PDE7B: variants seen among roughly 807,000 people sequenced by gnomAD.
PDE7B encodes 3',5'-cyclic-AMP phosphodiesterase 7B.
In PDE7B, 29 loss-of-function variants were observed where a neutral mutation model predicts 56.2. The observed-to-expected ratio is 0.52, with a 90% CI of 0.38 to 0.70. The LOEUF (loss-of-function observed/expected upper bound fraction) is 0.70. Ranked by LOEUF, PDE7B falls within the 30% of genes least tolerant of loss-of-function variation. PDE7B has a pLI of 0.00. For missense variants in PDE7B, 490 were observed against 565.0 expected, an observed-to-expected ratio of 0.87 and a Z score of 1.35; for synonymous variants, 197 against 196.9, an observed-to-expected ratio of 1.00 and a Z score of 0.00.
intron 2 of PDE7B, among the ~76,000 whole-genome samples, chr6:136,087,079 G>A (rs914848059): frequency 3.3e-5 from 5 of 152,160 alleles, no homozygotes; most frequent in African/African-American, 4.8e-5. Context: ...TTCATAGGTT[G>A]GTTAGAATGA....
At chr6:136,086,755 G>GA (rs1163815007) in intron 2 of PDE7B, among the ~76,000 whole-genome samples, 1 of 152,160 alleles carries the variant, frequency 6.6e-6, no homozygotes, top group Admixed American at 6.5e-5. Flanking sequence ...TTACTCAGAA[G>GA]AAAAAACATA....
chr6:135,977,634 C>A (rs1280351059), intron 2 of PDE7B, among the ~76,000 whole-genome samples: 4 of 151,982 alleles, frequency 2.6e-5, no homozygotes, highest in Non-Finnish European at 5.9e-5. Flanking sequence ...GGGACCGAGA[C>A]CAATTTATTA....
intron 2 of PDE7B, among the ~76,000 whole-genome samples, chr6:136,066,206 ATAT>A (rs987065372): frequency 1.6e-4 from 25 of 152,274 alleles, no homozygotes; most frequent in African/African-American, 4.3e-4. Context: ...CTTGCCCATA[ATAT>A]TATACTTAAT....
At chr6:135,989,403 C>T (rs6937373) in intron 2 of PDE7B, among the ~76,000 whole-genome samples, 12,450 of 152,142 alleles carry the variant, frequency 0.082, 849 homozygotes, top group African/African-American at 0.18. Flanking sequence ...CACCTGAGGT[C>T]GGTAGTTCGA....
intron 3 of PDE7B, among the ~76,000 whole-genome samples, chr6:136,126,023 A>T (rs551881114): frequency 6.6e-6 from 1 of 152,324 alleles, no homozygotes; most frequent in African/African-American, 2.4e-5. Flanking sequence ...AAGAAATACA[A>T]GAAAAGCAAC....
chr6:136,175,816 G>GCCTT lies in PDE7B; in HGVS notation c.803+1928_803+1929insCCTT, dbSNP rs1778967726. Among the ~76,000 whole-genome samples, 27 of 152,178 alleles carry GCCTT rather than the reference G, an allele frequency of 1.8e-4. No individual in the cohort carries two copies. The South Asian group carries it at 5.6e-3, about 31-fold the overall frequency. ...TAGATAAAAATTATTGGTCAGAAAG[G>GCCTT]TCTGAACTTTTAAGTTTCTTGTATA... On this transcript the variant is annotated intron_variant, in intron 9 of 12. Transcript: ENST00000308191.
At chr6:135,990,130 C>G (rs1028508846) in intron 2 of PDE7B, among the ~76,000 whole-genome samples, 14 of 146,274 alleles carry the variant, frequency 9.6e-5, no homozygotes, top group African/African-American at 3.5e-4. Flanking sequence ...GAGTCTCGCT[C>G]TATCGCCCAG....
In PDE7B at chr6:136,191,013, CTTTT is replaced by C. The variant is rs752187218; in HGVS notation, c.1127-580_1127-577del. 4.0e-5 allele frequency among the ~76,000 whole-genome samples: 4 copies of C among 99,350 alleles called. No homozygotes were observed. In the South Asian group the frequency reaches 1.2e-3, roughly 29 times the overall value. 65.2% of individuals were successfully genotyped at this position (99,350 alleles called of 152,430 possible). On this transcript the variant is annotated intron_variant, in intron 12 of 12. Coordinates refer to ENST00000308191, the MANE Select transcript of PDE7B (RefSeq NM_018945.4). ...CTGCCTTCTTTAGCTCCAGCATACA[CTTTT>C]TTTTTTTTTTTTTTTTTTTTACTTA...
At chr6:136,103,532 T>C (rs1777599129) in intron 2 of PDE7B, among the ~76,000 whole-genome samples, 1 of 152,242 alleles carries the variant, frequency 6.6e-6, no homozygotes. Flanking sequence ...GGATTTTCTC[T>C]GTCTTTATTT....
chr6:135,968,302 C>T (rs1389921543), intron 2 of PDE7B, among the ~76,000 whole-genome samples: 1 of 152,064 alleles, frequency 6.6e-6, no homozygotes, highest in Non-Finnish European at 1.5e-5. Context: ...CAAAAATTGA[C>T]CAATGGGACC....
At position 136,179,094 on chromosome 6, in the gene PDE7B, A is replaced by G. The variant is rs768995513; in HGVS notation, c.901A>G (p.Lys301Glu). The change falls in exon 10 of 13, where the codon AAA becomes GAA. Residue 301 changes from lysine (K) to glutamate (E), a missense_variant. By Grantham distance (56) the Lys-to-Glu change is moderately conservative. Transcript: ENST00000308191. ...LTRLKAHLHN[K>E]DLRLEDAQDR... ...CAGATTGAAAGCTCACCTCCACAATAAAGACTTAAGACTGGAGGATGCACA... is the reference window on the plus strand; with the variant it reads ...CAGATTGAAAGCTCACCTCCACAATGAAGACTTAAGACTGGAGGATGCACA... 2.4e-5 allele frequency: 39 copies of G among 1,613,890 alleles called. No individual in the cohort carries two copies. Among genetic ancestry groups the G allele is most frequent in the East Asian group, 1.3e-4 (6 of 44,898 alleles).
chr6:136,161,006 A>G (rs1387027856), intron 8 of PDE7B, among the ~76,000 whole-genome samples: 1 of 152,216 alleles, frequency 6.6e-6, no homozygotes, highest in African/African-American at 2.4e-5. Context: ...AGATAAAGAT[A>G]TAAAGTATCC....
chr6:136,185,517 G>A (rs887083303), intron 11 of PDE7B, among the ~76,000 whole-genome samples: 11 of 152,144 alleles, frequency 7.2e-5, no homozygotes, highest in Admixed American at 3.9e-4. Flanking sequence ...TGCTTTGGGA[G>A]GCTGAAGCAG....
chr6:136,090,001 G>A (rs1269364372), intron 2 of PDE7B, among the ~76,000 whole-genome samples: 2 of 152,088 alleles, frequency 1.3e-5, no homozygotes, highest in Non-Finnish European at 2.9e-5. Flanking sequence ...TGATACACAC[G>A]GTGATTACTA....
intron 2 of PDE7B, among the ~76,000 whole-genome samples, chr6:135,997,148 T>C (rs1775578474): frequency 6.6e-6 from 1 of 151,976 alleles, no homozygotes; most frequent in South Asian, 2.1e-4. Flanking sequence ...CTGGGCACAA[T>C]GGCTCAACCC....
At chr6:136,054,486 C>G (rs994716282) in intron 2 of PDE7B, among the ~76,000 whole-genome samples, 1 of 152,170 alleles carries the variant, frequency 6.6e-6, no homozygotes, top group Non-Finnish European at 1.5e-5. Context: ...AGTCAGGTAG[C>G]ATGATGCCTC....
At chr6:135,925,312 A>T (rs1037003123) in intron 1 of PDE7B, among the ~76,000 whole-genome samples, 2 of 152,166 alleles carry the variant, frequency 1.3e-5, no homozygotes, top group Non-Finnish European at 2.9e-5. Context: ...TCAACTTGTC[A>T]GTTGAAATCC....
chr6:135,940,449 G>A (rs1774489027), intron 1 of PDE7B, among the ~76,000 whole-genome samples: 1 of 152,228 alleles, frequency 6.6e-6, no homozygotes, highest in South Asian at 2.1e-4. Flanking sequence ...TTAGCACAGA[G>A]TAGGCACTCA....
intron 2 of PDE7B, among the ~76,000 whole-genome samples, chr6:135,983,845 G>A (rs1460765624): frequency 1.3e-5 from 2 of 152,214 alleles, no homozygotes; most frequent in Non-Finnish European, 2.9e-5. Flanking sequence ...CCAGTGGCAC[G>A]AAAGGAAGAT....
Sources: allele counts gnomAD v4.1 joint callset (sites outside exome capture counted in the v4.1 genomes callset), GRCh38; gene constraint gnomAD v4.1.1; transcripts MANE v1.5; gene names NCBI Gene and HGNC (gene_info 2026-07-23, HGNC 2026-07-21).